The following ADGRL3 variants were observed in gnomAD, a reference collection of about 807,000 sequenced individuals.
ADGRL3 encodes the protein adhesion G protein-coupled receptor L3, also known as calcium-independent alpha-latrotoxin receptor 3.
Under a neutral mutation model 153.5 loss-of-function variants are expected in ADGRL3, and 62 were observed. The observed-to-expected ratio is 0.40, with a 90% CI of 0.33 to 0.50. The LOEUF (loss-of-function observed/expected upper bound fraction) is 0.50. Ranked by LOEUF, ADGRL3 falls within the 20% of genes least tolerant of loss-of-function variation. The pLI is 0.47. For synonymous variants in ADGRL3, 710 were observed against 672.5 expected, an observed-to-expected ratio of 1.06 and a Z score of -0.86; for missense variants, 1,641 against 1,859.4, an observed-to-expected ratio of 0.88 and a Z score of 2.16.
intron 5 of ADGRL3, among the ~76,000 whole-genome samples, chr4:61,650,411 A>T (rs2150372079): frequency 6.6e-6 from 1 of 152,286 alleles, no homozygotes; most frequent in East Asian, 1.9e-4. Context: ...AAAGATTTTT[A>T]TCAGTTTCAA....
chr4:62,059,088 C>CT (rs1738643431), intron 25 of ADGRL3, among the ~76,000 whole-genome samples: 1 of 152,146 alleles, frequency 6.6e-6, no homozygotes. Flanking sequence ...TGAATGTGGA[C>CT]TGTAGGAACT....
chr4:61,273,627 A>AT (rs756375797), intron 1 of ADGRL3, among the ~76,000 whole-genome samples: 3 of 151,978 alleles, frequency 2.0e-5, no homozygotes, highest in Non-Finnish European at 2.9e-5. Context: ...CTACAGTAAA[A>AT]TTTTTTTTAC....
rs2098741728 is a variant in ADGRL3, at chr4:61,551,827, T to C, written c.259+34309T>C. 2.0e-5 allele frequency among the ~76,000 whole-genome samples: 3 copies of C among 152,124 alleles called. No individual in the cohort carries two copies. The South Asian group carries it at 6.2e-4, about 31-fold the overall frequency. On this transcript the variant is annotated intron_variant, in intron 4 of 26. Transcript: ENST00000683033. Reference sequence around the variant, plus strand: ...TACATTGGTAGTTGCAGAAAGACAATAGTTTGCAATATTCTGAAAAGGCTG... The same window carrying C: ...TACATTGGTAGTTGCAGAAAGACAACAGTTTGCAATATTCTGAAAAGGCTG...
chr4:61,499,565 A>C (rs2098360715), intron 3 of ADGRL3, among the ~76,000 whole-genome samples: 1 of 152,176 alleles, frequency 6.6e-6, no homozygotes, highest in African/African-American at 2.4e-5. Context: ...TATGTAAATA[A>C]TGTAGTACAG....
At chr4:61,991,861 G>C (rs1248497260) in intron 19 of ADGRL3, among the ~76,000 whole-genome samples, 9 of 146,410 alleles carry the variant, frequency 6.1e-5, no homozygotes, top group African/African-American at 2.3e-4. Flanking sequence ...TCTCAATCTT[G>C]CCATATATAT....
intron 5 of ADGRL3, among the ~76,000 whole-genome samples, chr4:61,614,222 A>T (rs1265375405): frequency 1.3e-5 from 2 of 152,156 alleles, no homozygotes; most frequent in African/African-American, 2.4e-5. Flanking sequence ...CTCAATACAG[A>T]CCTCTCACTA....
intron 2 of ADGRL3, among the ~76,000 whole-genome samples, chr4:61,456,624 GAGA>G (rs1237399316): frequency 2.6e-5 from 4 of 150,954 alleles, no homozygotes; most frequent in Non-Finnish European, 4.4e-5. Flanking sequence ...AAAAAGTTTG[GAGA>G]AGAAGTAAGT....
intron 21 of ADGRL3, among the ~76,000 whole-genome samples, chr4:62,005,999 C>CATATAT (rs1276087983): frequency 1.2e-5 from 1 of 82,588 alleles, no homozygotes; most frequent in Non-Finnish European, 2.4e-5. Flanking sequence ...CACACACACA[C>CATATAT]ACACATATAT....
intron 5 of ADGRL3, among the ~76,000 whole-genome samples, chr4:61,622,099 G>C (rs1291056007): frequency 6.6e-6 from 1 of 152,152 alleles, no homozygotes; most frequent in South Asian, 2.1e-4. Flanking sequence ...CATGTGTACA[G>C]AACAAGGAAA....
intron 8 of ADGRL3, among the ~76,000 whole-genome samples, chr4:61,811,385 C>T (rs1019190822): frequency 1.3e-5 from 2 of 151,546 alleles, no homozygotes; most frequent in African/African-American, 4.8e-5. Flanking sequence ...ACAAAATATA[C>T]AAACATATAT....
At chr4:61,607,098 G>T (rs1176694690) in intron 5 of ADGRL3, among the ~76,000 whole-genome samples, 2 of 152,102 alleles carry the variant, frequency 1.3e-5, no homozygotes, top group African/African-American at 4.8e-5. Flanking sequence ...CAGAGGTTAG[G>T]GTTTTCCAAG....
intron 2 of ADGRL3, among the ~76,000 whole-genome samples, chr4:61,408,750 A>G (rs2097039137): frequency 6.6e-6 from 1 of 152,186 alleles, no homozygotes. Flanking sequence ...AGATTCAAAT[A>G]TAAATTGAGT....
rs145459072 is a variant in ADGRL3, at chr4:61,216,077, A to G, written c.-240+14312A>G. On this transcript the variant is annotated intron_variant, in intron 1 of 26. Coordinates refer to ENST00000683033, the MANE Select transcript of ADGRL3 (RefSeq NM_001387552.1). ...TTCTGCTTGCAAGTTGAGCTTTTCA[A>G]AAAAACTGAATAGGTAGTTGATGTT... 4.2e-3 allele frequency among the ~76,000 whole-genome samples: 646 copies of G among 152,226 alleles called. 8 individuals carry two copies. The highest frequency in any genetic ancestry group is 0.014 in the African/African-American group (601 of 41,534).
At chr4:61,787,114 G>A (rs545108058) in intron 8 of ADGRL3, among the ~76,000 whole-genome samples, 2 of 152,224 alleles carry the variant, frequency 1.3e-5, no homozygotes, top group South Asian at 2.1e-4. Context: ...AACGGGAAAA[G>A]ATAAAAGGAT....
intron 9 of ADGRL3, among the ~76,000 whole-genome samples, chr4:61,821,518 A>G (rs1019526856): frequency 4.6e-5 from 7 of 151,996 alleles, no homozygotes; most frequent in Non-Finnish European, 8.8e-5. Context: ...ATGCACCACC[A>G]TGCCTAGCTA....
At chr4:61,645,475 G>T (rs28889735) in intron 5 of ADGRL3, among the ~76,000 whole-genome samples, 55,225 of 150,322 alleles carry the variant, frequency 0.37, 11,699 homozygotes, top group Non-Finnish European at 0.5. Context: ...TTTTAGGGCA[G>T]GCCTGGTGGT....
intron 25 of ADGRL3, among the ~76,000 whole-genome samples, chr4:62,045,725 A>G (rs1205136690): frequency 6.6e-6 from 1 of 152,016 alleles, no homozygotes; most frequent in Non-Finnish European, 1.5e-5. Context: ...ACAATATAGT[A>G]ACTATAAACT....
At chr4:61,578,038 A>C (rs2149242250) in intron 4 of ADGRL3, among the ~76,000 whole-genome samples, 1 of 152,226 alleles carries the variant, frequency 6.6e-6, no homozygotes, top group South Asian at 2.1e-4. Flanking sequence ...TAGAACGTTT[A>C]ACTTACATTT....
At chr4:61,781,331 C>CAAAAAAAAAAAAAAAAAAA (rs71281828) in intron 8 of ADGRL3, among the ~76,000 whole-genome samples, 25 of 64,348 alleles carry the variant, frequency 3.9e-4, no homozygotes, top group African/African-American at 1.5e-3. Context: ...ATTCTGCCTC[C>CAAAAAAAAAAAAAAAAAAA]AAAAAAAAAA....
Sources: gnomAD v4.1 joint callset for allele counts (sites outside exome capture counted in the v4.1 genomes callset) on GRCh38, gnomAD v4.1.1 for gene constraint, MANE v1.5 for transcripts, NCBI Gene and HGNC (gene_info 2026-07-23, HGNC 2026-07-21) for gene names.